Variants in DGKB observed in about 807,000 individuals in gnomAD.
DGKB encodes 90 kDa diacylglycerol kinase.
DGKB carries 67 observed loss-of-function variants against 114.3 expected under a neutral mutation model. The observed-to-expected ratio is 0.59, with a 90% confidence interval of 0.48 to 0.72. The LOEUF (loss-of-function observed/expected upper bound fraction) is 0.72. DGKB is among the 30% of genes least tolerant of loss of function. The probability of loss-of-function intolerance (pLI) is 0.00; values close to 1 mark genes in which losing one functional copy is unlikely to be tolerated. For synonymous variants in DGKB, 398 were observed against 323.1 expected (o/e 1.23, Z -2.49); for missense variants, 907 against 975.2 (o/e 0.93, Z 0.93).
intron 1 of DGKB, among the ~76,000 whole-genome samples, chr7:14,963,603 G>T (rs550479274): frequency 6.6e-6 from 1 of 152,136 alleles, no homozygotes; most frequent in Admixed American, 6.5e-5. Context: ...AGGAATGGTC[G>T]TCTGCCTGTT....
At chr7:14,370,557 G>T (rs1384647711) in intron 21 of DGKB, among the ~76,000 whole-genome samples, 2 of 152,168 alleles carry the variant, frequency 1.3e-5, no homozygotes, top group East Asian at 3.9e-4. Flanking sequence ...CTATCCGTGA[G>T]CATGGAATGT....
chr7:14,789,227 C>T (rs1022938983), intron 2 of DGKB, among the ~76,000 whole-genome samples: 39 of 152,048 alleles, frequency 2.6e-4, no homozygotes, highest in African/African-American at 9.2e-4. Context: ...AGAATATTGA[C>T]ATTGATATGA....
chr7:14,378,315 C>G (rs1461091114), intron 21 of DGKB, among the ~76,000 whole-genome samples: 1 of 151,958 alleles, frequency 6.6e-6, no homozygotes, highest in African/African-American at 2.4e-5. Flanking sequence ...ATCCATTTGC[C>G]CACATAAACA....
At chr7:14,935,190 T>C (rs184955488) in intron 1 of DGKB, among the ~76,000 whole-genome samples, 1 of 152,158 alleles carries the variant, frequency 6.6e-6, no homozygotes, top group Admixed American at 6.5e-5. Context: ...ATTGTGGCTG[T>C]TTTTAAAGGG....
intron 2 of DGKB, among the ~76,000 whole-genome samples, chr7:14,834,168 A>G (rs920598110): frequency 1.3e-5 from 2 of 152,202 alleles, no homozygotes. Flanking sequence ...AAGATACATA[A>G]GCCTTAGTGA....
intron 21 of DGKB, among the ~76,000 whole-genome samples, chr7:14,395,447 C>T (rs1038356078): frequency 4.6e-5 from 7 of 151,498 alleles, no homozygotes; most frequent in African/African-American, 1.7e-4. Flanking sequence ...GATATTATTT[C>T]CAGAAGAAAT....
At chr7:14,721,683 C>T (rs1219411548) in intron 5 of DGKB, among the ~76,000 whole-genome samples, 1 of 152,020 alleles carries the variant, frequency 6.6e-6, no homozygotes, top group Non-Finnish European at 1.5e-5. Context: ...TCAATCTATA[C>T]ATTGAAGAAC....
intron 1 of DGKB, among the ~76,000 whole-genome samples, chr7:14,945,249 T>C (rs1370991287): frequency 6.6e-6 from 1 of 151,844 alleles, no homozygotes. Context: ...ATATATTATA[T>C]AATTGTGTTT....
At chr7:14,259,680 C>T (rs1796479324) in intron 23 of DGKB, among the ~76,000 whole-genome samples, 1 of 152,162 alleles carries the variant, frequency 6.6e-6, no homozygotes, top group African/African-American at 2.4e-5. Flanking sequence ...CCCACCTCAG[C>T]CTCCCAAGGT....
intron 25 of DGKB, among the ~76,000 whole-genome samples, chr7:14,165,543 T>C (rs1386067219): frequency 2.0e-5 from 3 of 152,202 alleles, no homozygotes; most frequent in Admixed American, 2.0e-4. Context: ...TCAAGAAACA[T>C]AGTTCTATCC....
intron 20 of DGKB, among the ~76,000 whole-genome samples, chr7:14,529,516 A>T (rs1298968396): frequency 6.6e-6 from 1 of 151,866 alleles, no homozygotes; most frequent in African/African-American, 2.4e-5. Flanking sequence ...TTTTGTACAT[A>T]ATAAAGGTAT....
At chr7:14,617,756 C>G (rs1475768273) in intron 15 of DGKB, among the ~76,000 whole-genome samples, 1 of 151,578 alleles carries the variant, frequency 6.6e-6, no homozygotes, top group African/African-American at 2.4e-5. Context: ...TCTTACTGAC[C>G]CTAGGCATAT....
At chr7:14,453,390 G>C (rs998926902) in intron 21 of DGKB, among the ~76,000 whole-genome samples, 4 of 152,098 alleles carry the variant, frequency 2.6e-5, no homozygotes, top group African/African-American at 9.7e-5. Context: ...TAAGGGACTA[G>C]TTTGCTCCAG....
chr7:14,926,286 G>C (rs1587395222), intron 1 of DGKB, among the ~76,000 whole-genome samples: 1 of 151,704 alleles, frequency 6.6e-6, no homozygotes, highest in African/African-American at 2.4e-5. Context: ...CACACCATTT[G>C]ATTCATTTTC....
chr7:14,368,501 G>C (rs1185420033), intron 21 of DGKB, among the ~76,000 whole-genome samples: 4 of 152,022 alleles, frequency 2.6e-5, no homozygotes, highest in Admixed American at 6.6e-5. Flanking sequence ...TCATCAGCTT[G>C]AGTTGACTGG....
At chr7:14,543,826 T>C (rs1793868290) in intron 20 of DGKB, among the ~76,000 whole-genome samples, 1 of 152,130 alleles carries the variant, frequency 6.6e-6, no homozygotes, top group African/African-American at 2.4e-5. Flanking sequence ...GCTCCAAAAA[T>C]CTTTTCCAGA....
At chr7:14,234,777 T>TATC (rs1792507685) in intron 23 of DGKB, among the ~76,000 whole-genome samples, 1 of 152,096 alleles carries the variant, frequency 6.6e-6, no homozygotes, top group South Asian at 2.1e-4. Context: ...CTCCATCTTA[T>TATC]ATCATTGCAG....
At chr7:14,371,088 A>T (rs1316429614) in intron 21 of DGKB, among the ~76,000 whole-genome samples, 2 of 152,146 alleles carry the variant, frequency 1.3e-5, no homozygotes, top group Non-Finnish European at 2.9e-5. Context: ...ACCTAGGTTG[A>T]TTCCATGTCT....
intron 13 of DGKB, among the ~76,000 whole-genome samples, chr7:14,656,395 T>TG (rs1563813060): frequency 7.4e-6 from 1 of 135,406 alleles, no homozygotes; most frequent in African/African-American, 3.1e-5. Context: ...TAAATTTTGG[T>TG]TTTTTTTTCT....
Sources: gnomAD v4.1 joint callset for allele counts (sites outside exome capture counted in the v4.1 genomes callset) on GRCh38, gnomAD v4.1.1 for gene constraint, MANE v1.5 for transcripts, NCBI Gene and HGNC (gene_info 2026-07-23, HGNC 2026-07-21) for gene names.